The following GNA14 variants were observed in gnomAD, a reference collection of about 807,000 sequenced individuals.
GNA14 encodes guanine nucleotide-binding protein subunit alpha-14.
Under a neutral mutation model 42.0 loss-of-function variants are expected in GNA14, and 50 were observed. The observed-to-expected ratio is 1.19, with a 90% CI of 0.95 to 1.51. GNA14 has a LOEUF of 1.51. GNA14 is among the 40% of genes most tolerant of loss of function. The probability of loss-of-function intolerance (pLI) is 0.00; values close to 1 mark genes in which losing one functional copy is unlikely to be tolerated. For synonymous variants in GNA14, 173 were observed against 163.1 expected (o/e 1.06, Z -0.46); for missense variants, 473 against 446.2 (o/e 1.06, Z -0.54).
intron 1 of GNA14, among the ~76,000 whole-genome samples, chr9:77,596,958 G>T (rs2117903976): frequency 6.6e-6 from 1 of 152,252 alleles, no homozygotes; most frequent in South Asian, 2.1e-4. Flanking sequence ...TTTGTTGATT[G>T]ATGTCTCATG....
intron 2 of GNA14, among the ~76,000 whole-genome samples, chr9:77,528,119 T>A (rs947716328): frequency 2.0e-5 from 3 of 152,210 alleles, no homozygotes; most frequent in South Asian, 2.1e-4. Flanking sequence ...AAATTTAAAC[T>A]GATTGCTTTA....
intron 2 of GNA14, among the ~76,000 whole-genome samples, chr9:77,453,073 G>A (rs574631274): frequency 1.3e-5 from 2 of 152,316 alleles, no homozygotes; most frequent in African/African-American, 2.4e-5. Flanking sequence ...CCAAGAGTTC[G>A]AGGTTACAGT....
chr9:77,452,650 TTGTG>T (rs969516666), intron 2 of GNA14, among the ~76,000 whole-genome samples: 3 of 912 alleles, frequency 3.3e-3, no homozygotes, highest in Admixed American at 0.016. Flanking sequence ...GTGTTTGTGT[TTGTG>T]TGTGTGTCTG....
chr9:77,561,228 C>T (rs79127381), intron 1 of GNA14, among the ~76,000 whole-genome samples: 1 of 152,196 alleles, frequency 6.6e-6, no homozygotes, highest in Non-Finnish European at 1.5e-5. Context: ...ATAAGGATGG[C>T]GTGTGGCTAA....
At chr9:77,437,277 G>T (rs537950395) in intron 2 of GNA14, among the ~76,000 whole-genome samples, 1 of 152,336 alleles carries the variant, frequency 6.6e-6, no homozygotes, top group Middle Eastern at 3.4e-3. Context: ...AAGTGCAGTG[G>T]CTCACGCCTG....
At chr9:77,599,432 C>T (rs1289074710) in intron 1 of GNA14, among the ~76,000 whole-genome samples, 2 of 152,176 alleles carry the variant, frequency 1.3e-5, no homozygotes, top group Non-Finnish European at 2.9e-5. Context: ...GATAATGGGC[C>T]GTTCCTGCTA....
At chr9:77,583,191 T>G (rs544058360) in intron 1 of GNA14, among the ~76,000 whole-genome samples, 1 of 152,186 alleles carries the variant, frequency 6.6e-6, no homozygotes, top group Non-Finnish European at 1.5e-5. Flanking sequence ...GTCTTTGTTT[T>G]GTGAATCTGA....
intron 2 of GNA14, among the ~76,000 whole-genome samples, chr9:77,452,619 A>C (rs201703448): frequency 4.4e-3 from 2 of 450 alleles, no homozygotes; most frequent in Non-Finnish European, 6.7e-3. Context: ...ATGTGTGTGT[A>C]TGTATATGTG....
intron 1 of GNA14, among the ~76,000 whole-genome samples, chr9:77,644,615 A>G (rs1193910572): frequency 1.3e-5 from 2 of 152,124 alleles, no homozygotes; most frequent in African/African-American, 4.8e-5. Context: ...AACTGTGAGA[A>G]AATTAATTTC....
intron 1 of GNA14, among the ~76,000 whole-genome samples, chr9:77,594,070 A>T (rs190299661): frequency 1.3e-5 from 2 of 152,302 alleles, no homozygotes; most frequent in Admixed American, 1.3e-4. Context: ...TCTCTGTAGC[A>T]TAGGGGAGGT....
At chr9:77,580,349 C>A (rs376197935) in intron 1 of GNA14, 3 of 336,738 alleles carry the variant, frequency 8.9e-6, no homozygotes, top group East Asian at 1.4e-4. Flanking sequence ...TTTACATTGA[C>A]GCGTCATGCC....
chr9:77,505,360 C>G (rs1477903018), intron 2 of GNA14, among the ~76,000 whole-genome samples: 1 of 152,126 alleles, frequency 6.6e-6, no homozygotes, highest in Middle Eastern at 3.2e-3. Flanking sequence ...CAAAGTCAAG[C>G]CAGAATTAGT....
chr9:77,524,265 T>C (rs909481388), intron 2 of GNA14, among the ~76,000 whole-genome samples: 9 of 152,174 alleles, frequency 5.9e-5, no homozygotes, highest in Admixed American at 1.3e-4. Context: ...AAAAAACAAA[T>C]GCGGAACTAA....
chr9:77,431,902 A>C (rs1375345446), intron 3 of GNA14, among the ~76,000 whole-genome samples: 2 of 152,282 alleles, frequency 1.3e-5, no homozygotes, highest in East Asian at 3.9e-4. Flanking sequence ...TGAATTAAAT[A>C]GTTTCTAAGA....
At chr9:77,538,067 T>TTC (rs1480442196) in intron 1 of GNA14, among the ~76,000 whole-genome samples, 2 of 12,856 alleles carry the variant, frequency 1.6e-4, no homozygotes, top group African/African-American at 1.1e-3. Context: ...CAGAAGCTTC[T>TTC]TTTTTTTTTT....
At chr9:77,583,165 C>A (rs960303402) in intron 1 of GNA14, among the ~76,000 whole-genome samples, 19 of 152,196 alleles carry the variant, frequency 1.2e-4, no homozygotes, top group African/African-American at 4.1e-4. Context: ...TCTCCCCCAA[C>A]AAATGAGATA....
intron 2 of GNA14, among the ~76,000 whole-genome samples, chr9:77,435,050 T>TAAAAAAA: frequency 1.7e-5 from 2 of 119,280 alleles, no homozygotes; most frequent in Non-Finnish European, 3.6e-5. Flanking sequence ...TTCTTTCATT[T>TAAAAAAA]AAAAAAAAAA....
chr9:77,448,652 AC>A (rs1410082339), intron 2 of GNA14, among the ~76,000 whole-genome samples: 1 of 152,196 alleles, frequency 6.6e-6, no homozygotes, highest in African/African-American at 2.4e-5. Context: ...CAAGTAGCGT[AC>A]TGCTGCAGCC....
At chr9:77,546,044 C>T (rs538521911) in intron 1 of GNA14, among the ~76,000 whole-genome samples, 4 of 151,804 alleles carry the variant, frequency 2.6e-5, no homozygotes, top group Non-Finnish European at 5.9e-5. Flanking sequence ...AGCGAAACCC[C>T]GTCTCTAACT....
Sources: gnomAD v4.1 joint callset for allele counts (sites outside exome capture counted in the v4.1 genomes callset) on GRCh38, gnomAD v4.1.1 for gene constraint, MANE v1.5 for transcripts, NCBI Gene and HGNC (gene_info 2026-07-23, HGNC 2026-07-21) for gene names.